Variants in NUP133 observed in about 807,000 individuals in gnomAD.
NUP133 encodes nuclear pore complex protein Nup133.
In NUP133, 66 loss-of-function variants were observed where a neutral mutation model predicts 146.2. That is an observed-to-expected ratio of 0.45 (90% confidence interval 0.37 to 0.55). The LOEUF is 0.55. Among genes scored for constraint, NUP133 ranks in the 20% least tolerant of loss-of-function variants. The pLI is 0.00. For synonymous variants in NUP133, 521 were observed against 498.8 expected, an observed-to-expected ratio of 1.04 and a Z score of -0.59; for missense variants, 1,277 against 1,374.8, an observed-to-expected ratio of 0.93 and a Z score of 1.12.
intron 14 of NUP133, among the ~76,000 whole-genome samples, chr1:229,473,184 C>T (rs958256689): frequency 4.0e-5 from 6 of 151,490 alleles, no homozygotes; most frequent in Admixed American, 1.3e-4. Flanking sequence ...CCCAGGAGGT[C>T]AAGCCTGCAG....
chr1:229,454,631 T>C (rs1403985417), intron 21 of NUP133, among the ~76,000 whole-genome samples: 1 of 152,204 alleles, frequency 6.6e-6, no homozygotes, highest in Non-Finnish European at 1.5e-5. Context: ...TAACAGTCTG[T>C]AGAATCACTG....
chr1:229,460,816 C>T (rs370456239), intron 19 of NUP133, 47 bp from the exon 20 acceptor site: 2 of 1,511,806 alleles, frequency 1.3e-6, no homozygotes, highest in Non-Finnish European at 1.8e-6. Context: ...TTTAAAAAAA[C>T]ACATTTCTGA....
chr1:229,446,272 G>T (rs891596728), intron 24 of NUP133, among the ~76,000 whole-genome samples: 8 of 152,100 alleles, frequency 5.3e-5, no homozygotes, highest in Non-Finnish European at 7.4e-5. Context: ...AGCTGGGCGT[G>T]GTGGCGCATG....
rs1660774786 is a variant in NUP133, at chr1:229,464,814, C to T, written c.2361G>A (p.Lys787=). ...TGCTGTCTGCCTGTGGATAAGCCAC[C>T]TTCAGGACAATCTCATGCTGGCGTA... ...VIIRQHEIVL[K]VAYPQADSNL... is the part of the protein sequence containing the mutation. The change falls in exon 18 of 26, where the codon AAG becomes AAA. Residue 787 remains lysine, a synonymous_variant. Transcript: ENST00000261396. 1 of 1,614,112 alleles carries T rather than the reference C, an allele frequency of 6.2e-7. No homozygotes were observed. Among genetic ancestry groups the T allele is most frequent in the Admixed American group, 1.7e-5 (1 of 59,994 alleles).
chr1:229,462,922 A>C (rs1660724891), intron 19 of NUP133, among the ~76,000 whole-genome samples: 1 of 152,200 alleles, frequency 6.6e-6, no homozygotes, highest in South Asian at 2.1e-4. Context: ...GTATTTGTAA[A>C]GCTAAGCTCT....
At chr1:229,478,735 T>C (rs1049088388) in intron 12 of NUP133, among the ~76,000 whole-genome samples, 4 of 152,140 alleles carry the variant, frequency 2.6e-5, no homozygotes, top group East Asian at 3.8e-4. Flanking sequence ...TGAGAAGGGA[T>C]GAATCACAAA....
intron 24 of NUP133, among the ~76,000 whole-genome samples, chr1:229,446,526 G>A (rs866265288): frequency 2.0e-5 from 3 of 151,802 alleles, no homozygotes; most frequent in Admixed American, 6.6e-5. Flanking sequence ...CCAGAAGATC[G>A]AGAACATCCT....
intron 2 of NUP133, among the ~76,000 whole-genome samples, chr1:229,503,466 C>CA (rs1661856212): frequency 6.6e-6 from 1 of 152,120 alleles, no homozygotes. Flanking sequence ...TACATGGAGA[C>CA]AAAGAGTTAC....
chr1:229,506,724 T>C (rs1472056668), intron 1 of NUP133, among the ~76,000 whole-genome samples: 1 of 149,990 alleles, frequency 6.7e-6, no homozygotes, highest in Non-Finnish European at 1.5e-5. Flanking sequence ...CTGGGGAACG[T>C]GGCAAGACCT....
chr1:229,463,472 T>C (rs1660736954), intron 19 of NUP133, 71 bp downstream of exon 19: 2 of 1,505,982 alleles, frequency 1.3e-6, no homozygotes, highest in African/African-American at 2.8e-5. Flanking sequence ...GATTACAGAT[T>C]TGAAATGGCA....
At chr1:229,455,561 A>G (rs1288477570) in intron 21 of NUP133, among the ~76,000 whole-genome samples, 1 of 152,198 alleles carries the variant, frequency 6.6e-6, no homozygotes, top group Non-Finnish European at 1.5e-5. Context: ...ACCCTGTCTC[A>G]GAGAAAATAA....
intron 18 of NUP133, among the ~76,000 whole-genome samples, chr1:229,464,058 T>C (rs1230471652): frequency 1.3e-5 from 2 of 152,098 alleles, no homozygotes; most frequent in Non-Finnish European, 2.9e-5. Context: ...GGCAGGAGAA[T>C]TGTTTGAACC....
intron 15 of NUP133, among the ~76,000 whole-genome samples, chr1:229,467,746 G>A (rs1410755725): frequency 6.6e-6 from 1 of 152,024 alleles, no homozygotes; most frequent in Non-Finnish European, 1.5e-5. Context: ...AAAACATGGT[G>A]AAACCCTGTC....
At chr1:229,505,491 T>C (rs908101835) in intron 2 of NUP133, among the ~76,000 whole-genome samples, 30 of 144,658 alleles carry the variant, frequency 2.1e-4, no homozygotes, top group African/African-American at 7.6e-4. Context: ...CTAAAACCAT[T>C]AAAGACTTAA....
chr1:229,468,489 T>C (rs1660876685), intron 15 of NUP133, among the ~76,000 whole-genome samples: 1 of 152,068 alleles, frequency 6.6e-6, no homozygotes, highest in Admixed American at 6.5e-5. Flanking sequence ...TCCTAAACAT[T>C]ACCATTTTTC....
In NUP133 at chr1:229,441,918, G is replaced by A. The variant is rs1251233011; in HGVS notation, c.3457C>T (p.Gln1153Ter). The A allele has an allele frequency of 1.3e-6, 2 of 1,576,106 alleles. No homozygotes were observed. The highest frequency in any genetic ancestry group is 2.3e-5 in the East Asian group (1 of 43,796). The change falls in exon 26 of 26, where the codon CAG (glutamine) becomes TAG (stop). Residue 1153 changes from glutamine to a stop codon, truncating the protein, a stop_gained. Coordinates refer to ENST00000261396, the MANE Select transcript of NUP133 (RefSeq NM_018230.3). LOFTEE classifies it high-confidence loss of function. ...VLKANYEYYVQGQI is the reference protein window; with the variant it reads ...VLKANYEYYV ...TTTAGAAAAAGTTATATTTGTCCCT[G>A]AACATAATATTCATAATTTGCTTTC... is the stretch of plus-strand genomic sequence containing the variant.
intron 25 of NUP133, 121 bp from the exon 26 acceptor site, chr1:229,442,161 G>A (rs1247062920): frequency 1.1e-6 from 1 of 929,768 alleles, no homozygotes; most frequent in Non-Finnish European, 1.6e-6. Flanking sequence ...TTGCTGTTGG[G>A]AAATACTCTC....
Position 229,463,547 on chromosome 1 carries a change from T to G in NUP133, c.2681A>C (p.Asp894Ala). The stretch of plus-strand genomic sequence containing the variant: ...CACACACCCAACACTCATCACCTGA[T>G]CAGCAAACTGGGTCATGTAGCGCTG... ...RLQRYMTQFA[D>A]QNFSDFLFRW... Residue 894 changes from aspartate to alanine, a missense_variant, in exon 19 of 26, where the codon GAT becomes GCT. Asp to Ala is a moderately radical substitution (Grantham distance 126, BLOSUM62 -2). Around this residue, in one of 3 missense-constraint regions of NUP133, gnomAD observed 952 missense variants for 1,047.0 expected, o/e 0.91. Coordinates refer to ENST00000261396, the MANE Select transcript of NUP133 (RefSeq NM_018230.3). The G allele has an allele frequency of 6.2e-7, 1 of 1,613,798 alleles. No homozygotes were observed. The highest frequency in any genetic ancestry group is 8.5e-7 in the Non-Finnish European group (1 of 1,179,912).
At chr1:229,453,211 C>T (rs533117570) in intron 21 of NUP133, among the ~76,000 whole-genome samples, 9 of 140,042 alleles carry the variant, frequency 6.4e-5, no homozygotes, top group Non-Finnish European at 1.2e-4. Context: ...GGGTAACTTT[C>T]GACTCCCCAA....
Sources: gnomAD v4.1 joint callset for allele counts (sites outside exome capture counted in the v4.1 genomes callset) on GRCh38, gnomAD v4.1.1 for gene constraint, gnomAD v4.1.1 regional missense constraint, MANE v1.5 for transcripts, NCBI Gene and HGNC (gene_info 2026-07-23, HGNC 2026-07-21) for gene names.